PPP4R3A: variants seen among roughly 807,000 people sequenced by gnomAD.
PPP4R3A encodes protein phosphatase 4 regulatory subunit 3A.
PPP4R3A carries 15 observed loss-of-function variants against 91.7 expected under a neutral mutation model. The ratio of observed to expected loss-of-function variants is 0.16; its 90% CI spans 0.11 to 0.25. PPP4R3A has a LOEUF of 0.25. Among genes scored for constraint, PPP4R3A ranks in the 10% least tolerant of loss-of-function variants. The probability of loss-of-function intolerance (pLI) is 1.00; values close to 1 mark genes in which losing one functional copy is unlikely to be tolerated. For synonymous variants in PPP4R3A, 377 were observed against 348.7 expected (o/e 1.08, Z -0.91); for missense variants, 623 against 998.4 (o/e 0.62, Z 5.07).
chr14:91,471,034 T>A (rs774454730), intron 9 of PPP4R3A, 39 bp from the exon 10 acceptor site: 43 of 1,534,080 alleles, frequency 2.8e-5, no homozygotes, highest in Non-Finnish European at 3.6e-5. Context: ...ATTTAATGAC[T>A]AACATTTTTC....
At position 91,461,607 on chromosome 14, in the gene PPP4R3A, A is replaced by G. The variant is rs780589967; in HGVS notation, c.2165T>C (p.Leu722Ser). 1 of 1,613,250 alleles carries G rather than the reference A, an allele frequency of 6.2e-7. No homozygotes were observed. The highest frequency in any genetic ancestry group is 8.5e-7 in the Non-Finnish European group (1 of 1,179,596). ...CACTTCCTTTTCCTCACTTTCTTTT[A>G]CTAAAAATGAGAATACTGTCAATAG... is the stretch of plus-strand genomic sequence containing the variant. ...PISKFMERKK[L>S]KESEEKEVLL... Residue 722 changes from leucine to serine, a missense_variant and splice_region_variant, in exon 14 of 15, where the codon TTA (leucine) becomes TCA (serine). Coordinates refer to ENST00000554943, the MANE Select transcript of PPP4R3A (RefSeq NM_001366432.2).
chr14:91,463,460 G>A (rs1200653361), intron 11 of PPP4R3A, among the ~76,000 whole-genome samples: 2 of 151,916 alleles, frequency 1.3e-5, no homozygotes, highest in African/African-American at 4.8e-5. Flanking sequence ...TAGAGATGGG[G>A]TCTCGTTCTG....
chr14:91,474,231 G>T (rs1304557457), intron 7 of PPP4R3A, among the ~76,000 whole-genome samples: 1 of 152,202 alleles, frequency 6.6e-6, no homozygotes, highest in Non-Finnish European at 1.5e-5. Flanking sequence ...AGAGTGCAGA[G>T]AACAAATGGA....
At chr14:91,466,199 A>C (rs977504037) in intron 10 of PPP4R3A, 1 of 982,832 alleles carries the variant, frequency 1.0e-6, no homozygotes, top group African/African-American at 1.7e-5. Flanking sequence ...TCTTTACCTA[A>C]ATGGAATTAT....
At chr14:91,470,540 C>T (rs1471040366) in intron 10 of PPP4R3A, among the ~76,000 whole-genome samples, 1 of 152,160 alleles carries the variant, frequency 6.6e-6, no homozygotes, top group African/African-American at 2.4e-5. Context: ...TGGATCTGGC[C>T]TCAGCTGTAG....
At chr14:91,472,132 G>A (rs1382591206) in intron 9 of PPP4R3A, among the ~76,000 whole-genome samples, 1 of 144,110 alleles carries the variant, frequency 6.9e-6, no homozygotes, top group Non-Finnish European at 1.5e-5. Context: ...GCTTAAATAA[G>A]CAATTTTTGA....
chr14:91,508,695 A>G (rs1229773911), intron 1 of PPP4R3A, among the ~76,000 whole-genome samples: 1 of 152,242 alleles, frequency 6.6e-6, no homozygotes, highest in Non-Finnish European at 1.5e-5. Flanking sequence ...CAAACAACTT[A>G]GTCTTTGAAC....
At position 91,461,463 on chromosome 14, in the gene PPP4R3A, C is replaced by G. The variant is rs1332341494; in HGVS notation, c.2309G>C (p.Gly770Ala). The G allele has an allele frequency of 3.1e-6, 5 of 1,614,058 alleles. No homozygotes were observed. The highest frequency in any genetic ancestry group is 4.2e-6 in the Non-Finnish European group (5 of 1,180,016). ...SSTTNLPGSPGSPGSPGSPGS... is the reference protein window; with the variant it reads ...SSTTNLPGSPASPGSPGSPGS... ...TGGAGATCCTGGGGATCCAGGTGATCCCGGAGAACCAGGCAGATTTGTTGT... is the reference window on the plus strand; with the variant it reads ...TGGAGATCCTGGGGATCCAGGTGATGCCGGAGAACCAGGCAGATTTGTTGT... The change falls in exon 14 of 15, where the codon GGA becomes GCA. Residue 770 changes from glycine to alanine, a missense_variant. Coordinates refer to ENST00000554943, the MANE Select transcript of PPP4R3A (RefSeq NM_001366432.2).
chr14:91,458,816 CTCATCATCATCTTCATCA>C lies in PPP4R3A; in HGVS notation c.2427_2444del (p.Asp809_Asp814del). 1.9e-6 allele frequency: 3 copies of C among 1,613,416 alleles called. No homozygotes were observed. The highest frequency in any genetic ancestry group is 2.5e-6 in the Non-Finnish European group (3 of 1,179,664). On this transcript the variant is annotated inframe_deletion, in exon 15 of 15. Transcript: ENST00000554943. ...GTAACGTATCTTCCTTATCTTCATC[CTCATCATCATCTTCATCA>C]TCATCAGGATAATCTACCAGACCCA...
chr14:91,469,725 C>G (rs1357384260), intron 10 of PPP4R3A, among the ~76,000 whole-genome samples: 2 of 151,996 alleles, frequency 1.3e-5, no homozygotes, highest in Non-Finnish European at 2.9e-5. Context: ...TGCACCACCA[C>G]ACCCAGCTTT....
intron 10 of PPP4R3A, among the ~76,000 whole-genome samples, chr14:91,470,026 G>A (rs1888743643): frequency 6.6e-6 from 1 of 152,022 alleles, no homozygotes; most frequent in East Asian, 1.9e-4. Context: ...CCTCTAATTA[G>A]TGCATGACTA....
intron 4 of PPP4R3A, among the ~76,000 whole-genome samples, chr14:91,480,433 A>C (rs1889487564): frequency 6.6e-6 from 1 of 152,212 alleles, no homozygotes; most frequent in Non-Finnish European, 1.5e-5. Context: ...ACCCCTTAGC[A>C]AAACGTGGCT....
chr14:91,477,855 G>C (rs549032035), intron 4 of PPP4R3A, among the ~76,000 whole-genome samples: 19 of 152,292 alleles, frequency 1.2e-4, no homozygotes, highest in Admixed American at 8.5e-4. Context: ...TGTCATGTTG[G>C]CCAGTCTGGT....
intron 1 of PPP4R3A, 62 bp downstream of exon 1, chr14:91,509,444 C>T: frequency 6.5e-7 from 1 of 1,534,904 alleles, no homozygotes; most frequent in South Asian, 1.2e-5. Context: ...CCCGCAAGAA[C>T]CAGGGAGGCG....
At chr14:91,501,809 A>G (rs1475105251) in intron 1 of PPP4R3A, among the ~76,000 whole-genome samples, 1 of 147,434 alleles carries the variant, frequency 6.8e-6, no homozygotes, top group Non-Finnish European at 1.5e-5. Context: ...GGTTCACGCC[A>G]TTCTCCTGCC....
At chr14:91,497,992 G>A (rs1277413736) in intron 1 of PPP4R3A, among the ~76,000 whole-genome samples, 1 of 152,194 alleles carries the variant, frequency 6.6e-6, no homozygotes, top group East Asian at 1.9e-4. Flanking sequence ...GAATGCAGAA[G>A]CAGATGAGAA....
intron 7 of PPP4R3A, 71 bp from the exon 8 acceptor site, chr14:91,473,441 ATACCACAG>A: frequency 6.7e-7 from 1 of 1,487,920 alleles, no homozygotes; most frequent in Non-Finnish European, 9.0e-7. Context: ...ACTAAGACAC[ATACCACAG>A]CATTATACCT....
In PPP4R3A at chr14:91,458,391, A is replaced by G. The variant is rs186244298; in HGVS notation, c.*368T>C. The G allele has an allele frequency of 7.8e-4, 219 of 280,190 alleles. 1 individual carries two copies. The highest frequency in any genetic ancestry group is 1.2e-3 in the Non-Finnish European group (178 of 143,454). The allele number at this position is 280,190 out of a possible 1,614,324, so 17.4% of individuals were successfully genotyped here. On this transcript the variant is annotated 3_prime_UTR_variant, in exon 15 of 15. Transcript: ENST00000554943. ...GTGAAGAATTATGGCAGAAAGGCCC[A>G]TTCTTCTGAGTCTCAAACATGGTCC...
intron 10 of PPP4R3A, among the ~76,000 whole-genome samples, chr14:91,466,787 G>C (rs1888495247): frequency 6.6e-6 from 1 of 152,054 alleles, no homozygotes; most frequent in African/African-American, 2.4e-5. Context: ...AACTTACTGA[G>C]GCATTTCCAT....
Sources: gnomAD v4.1 joint callset for allele counts (sites outside exome capture counted in the v4.1 genomes callset) on GRCh38, gnomAD v4.1.1 for gene constraint, MANE v1.5 for transcripts, NCBI Gene and HGNC (gene_info 2026-07-23, HGNC 2026-07-21) for gene names.